Variants in ZNF226 observed in about 807,000 individuals in gnomAD.
ZNF226 encodes the protein zinc finger protein 226.
In ZNF226, 6 loss-of-function variants were observed where a neutral mutation model predicts 11.4. That is an observed-to-expected ratio of 0.53 (90% CI 0.29 to 1.04). ZNF226 has a LOEUF of 1.04. ZNF226 is among the 50% of genes least tolerant of loss of function. The probability of loss-of-function intolerance (pLI) is 0.08; values close to 1 mark genes in which losing one functional copy is unlikely to be tolerated. For missense variants in ZNF226, 1,058 were observed against 956.5 expected, an observed-to-expected ratio of 1.11 and a Z score of -1.40; for synonymous variants, 350 against 322.8, an observed-to-expected ratio of 1.08 and a Z score of -0.90.
chr19:44,196,136 G>A, the ZNF226 span, among the ~76,000 whole-genome samples: 1 of 152,160 alleles, frequency 6.6e-6, no homozygotes, highest in Non-Finnish European at 1.5e-5. Flanking sequence ...GGTTGACAAG[G>A]CAAATTGACA....
intron 2 of ZNF226, among the ~76,000 whole-genome samples, 169 bp downstream of exon 2, chr19:44,165,976 T>TG (rs1599713008): frequency 6.6e-6 from 1 of 152,206 alleles, no homozygotes; most frequent in East Asian, 1.9e-4. Flanking sequence ...CTCTGTGAAG[T>TG]GATACTCTTT....
the ZNF226 span, among the ~76,000 whole-genome samples, chr19:44,184,617 G>A: frequency 3.0e-4 from 46 of 151,868 alleles, no homozygotes; most frequent in Admixed American, 7.2e-4. Flanking sequence ...CAGTGGTATC[G>A]GATATTCCAA....
chr19:44,198,096 A>G, the ZNF226 span, among the ~76,000 whole-genome samples: 1 of 152,154 alleles, frequency 6.6e-6, no homozygotes, highest in Admixed American at 6.5e-5. Flanking sequence ...CCATTTTATT[A>G]TCTTTGTCAA....
chr19:44,172,275 C>T, intron 4 of ZNF226, 61 bp downstream of exon 4: 1 of 1,552,090 alleles, frequency 6.4e-7, no homozygotes, highest in South Asian at 1.2e-5. Context: ...CTTTGTGGCC[C>T]TTGAAATTGT....
rs1568571886 is a variant in ZNF226, at chr19:44,176,228, A to G, written c.966A>G (p.Leu322=). ...AGGAATTCAGTCAGGGCGCTCATCT[A>G]CAGACCCATCAGAAAGTCCACGTGA... ...CGKEFSQGAH[L]QTHQKVHVIE... Residue 322 remains leucine, a synonymous_variant, in exon 6 of 6, where the codon CTA becomes CTG. Coordinates refer to ENST00000337433, the MANE Select transcript of ZNF226 (RefSeq NM_001032373.2). 4 of 1,614,166 alleles carry G rather than the reference A, an allele frequency of 2.5e-6. No homozygotes were observed. Among genetic ancestry groups the G allele is most frequent in the African/African-American group, 1.3e-5 (1 of 75,032 alleles).
chr19:44,184,579 T>TAA, the ZNF226 span, among the ~76,000 whole-genome samples: 71 of 143,974 alleles, frequency 4.9e-4, no homozygotes, highest in East Asian at 4.9e-3. Context: ...GAGACTCCAT[T>TAA]AAAAAAAAAA....
chr19:44,168,932 G>A (rs987549150), intron 2 of ZNF226, among the ~76,000 whole-genome samples: 9 of 135,648 alleles, frequency 6.6e-5, no homozygotes, highest in African/African-American at 2.3e-4. Context: ...GCTTTCTTTT[G>A]TCACCCATTT....
chr19:44,190,224 ATTATT>A, the ZNF226 span, among the ~76,000 whole-genome samples: 1 of 152,064 alleles, frequency 6.6e-6, no homozygotes, highest in Non-Finnish European at 1.5e-5. Context: ...AGGTTCTTGT[ATTATT>A]TTATTAGTTT....
chr19:44,184,920 T>C, the ZNF226 span, among the ~76,000 whole-genome samples: 3 of 152,180 alleles, frequency 2.0e-5, no homozygotes, highest in Non-Finnish European at 1.5e-5. Context: ...TAGATACTAT[T>C]TCCTCCCCCC....
At position 44,175,683 on chromosome 19, in the gene ZNF226, C is replaced by A; in HGVS notation, c.421C>A (p.Gln141Lys). ...PYQVGTELSI[Q>K]ISEDENYIVN... ...CCAGGTAGGGACAGAACTGTCTATTCAAATTTCTGAAGATGAGAACTATAT... is the reference window on the plus strand; with the variant it reads ...CCAGGTAGGGACAGAACTGTCTATTAAAATTTCTGAAGATGAGAACTATAT... The change falls in exon 6 of 6, where the codon CAA becomes AAA. Residue 141 changes from glutamine (Q) to lysine (K), a missense_variant. By Grantham distance (53) the Gln-to-Lys change is moderately conservative. Transcript: ENST00000337433. The A allele has an allele frequency of 6.2e-7, 1 of 1,612,782 alleles. No individual in the cohort carries two copies. The highest frequency in any genetic ancestry group is 1.1e-5 in the South Asian group (1 of 90,804).
intron 2 of ZNF226, among the ~76,000 whole-genome samples, chr19:44,166,209 A>T (rs1202436558): frequency 6.6e-6 from 1 of 152,196 alleles, no homozygotes; most frequent in African/African-American, 2.4e-5. Context: ...TATGACTTTT[A>T]AAAAATAGTG....
Position 44,165,154 on chromosome 19 carries a change from A to C in ZNF226, c.-98+12A>C, listed in dbSNP as rs2122198058. ...CTTTGGTGATTCAGGTCAGCTTCTC[A>C]GGAACCTTTCAAACTTCCCCGAAAT... On this transcript the variant is annotated intron_variant, in intron 1 of 5. Transcript: ENST00000337433. The C allele has an allele frequency of 6.6e-6, 1 of 152,332 alleles. No homozygotes were observed. The highest frequency in any genetic ancestry group is 2.1e-4 in the South Asian group (1 of 4,826). The allele number at this position is 152,332 out of a possible 1,614,324, so 9.4% of individuals were successfully genotyped here.
chr19:44,170,208 GT>G (rs1568564736), intron 3 of ZNF226, 113 bp downstream of exon 3: 27 of 943,632 alleles, frequency 2.9e-5, no homozygotes, highest in Non-Finnish European at 3.9e-5. Context: ...CCTGTTGAGT[GT>G]GCTAGGTGCT....
the ZNF226 span, among the ~76,000 whole-genome samples, chr19:44,196,508 C>T: frequency 3.9e-5 from 6 of 152,190 alleles, no homozygotes; most frequent in African/African-American, 9.6e-5. Flanking sequence ...CAACCTCCTG[C>T]TGGAATTTGA....
intron 4 of ZNF226, 174 bp from the exon 5 acceptor site, chr19:44,172,686 G>A (rs2042227724): frequency 8.4e-6 from 5 of 596,542 alleles, no homozygotes; most frequent in Admixed American, 6.5e-5. Flanking sequence ...ATGTATTTAC[G>A]CATGTGTGTC....
downstream of ZNF226, chr19:44,177,739 G>C: frequency 6.7e-7 from 1 of 1,483,694 alleles, no homozygotes; most frequent in Non-Finnish European, 9.0e-7. Context: ...CAGTGTTTCA[G>C]CCGTAGCTCC....
chr19:44,175,702 A>C lies in ZNF226; in HGVS notation c.440A>C (p.Asn147Thr). The C allele has an allele frequency of 6.2e-7, 1 of 1,612,814 alleles. No individual in the cohort carries two copies. The highest frequency in any genetic ancestry group is 1.1e-5 in the South Asian group (1 of 90,828). Residue 147 changes from asparagine to threonine, a missense_variant, in exon 6 of 6, where the codon AAC becomes ACC. Asn to Thr is a moderately conservative substitution (Grantham distance 65). Coordinates refer to ENST00000337433, the MANE Select transcript of ZNF226 (RefSeq NM_001032373.2). ...ELSIQISEDENYIVNKADGPN... is the reference protein window; with the variant it reads ...ELSIQISEDETYIVNKADGPN... ...TCTATTCAAATTTCTGAAGATGAGA[A>C]CTATATAGTAAATAAAGCAGATGGT...
chr19:44,174,962 T>G (rs747194863), intron 5 of ZNF226: 7 of 1,609,262 alleles, frequency 4.3e-6, no homozygotes, highest in Non-Finnish European at 5.9e-6. Context: ...AACTGTACTT[T>G]CTAGTTCTTT....
chr19:44,188,996 G>C, the ZNF226 span, among the ~76,000 whole-genome samples: 2 of 152,188 alleles, frequency 1.3e-5, no homozygotes, highest in Non-Finnish European at 2.9e-5. Context: ...GCCAGTTGCT[G>C]GGTAGATGTC....
Sources: allele counts gnomAD v4.1 joint callset (sites outside exome capture counted in the v4.1 genomes callset), GRCh38; gene constraint gnomAD v4.1.1; transcripts MANE v1.5; gene names NCBI Gene and HGNC (gene_info 2026-07-23, HGNC 2026-07-21).